RAB38: variants seen among roughly 807,000 people sequenced by gnomAD.
RAB38 encodes RAB38, member RAS oncogene family.
Under a neutral mutation model 18.4 loss-of-function variants are expected in RAB38, and 15 were observed. The ratio of observed to expected loss-of-function variants is 0.82; its 90% CI spans 0.55 to 1.26. The LOEUF (loss-of-function observed/expected upper bound fraction) is 1.26, where lower values mean the gene tolerates loss of function less well. Among genes scored for constraint, RAB38 ranks in the 50% most tolerant of loss-of-function variants. The probability of loss-of-function intolerance (pLI) is 0.00; values close to 1 mark genes in which losing one functional copy is unlikely to be tolerated. For missense variants in RAB38, 294 were observed against 267.4 expected, an observed-to-expected ratio of 1.10 and a Z score of -0.69; for synonymous variants, 101 against 104.4, an observed-to-expected ratio of 0.97 and a Z score of 0.20.
At chr11:88,153,518 C>A (rs893572527) in intron 1 of RAB38, among the ~76,000 whole-genome samples, 5 of 152,192 alleles carry the variant, frequency 3.3e-5, no homozygotes, top group Non-Finnish European at 7.3e-5. Flanking sequence ...ACCTCAGCCC[C>A]TCATTGCTCC....
chr11:87,900,622 C>T, the RAB38 span, among the ~76,000 whole-genome samples: 1 of 150,368 alleles, frequency 6.7e-6, no homozygotes, highest in Admixed American at 6.7e-5. Context: ...ATGTTCATCT[C>T]TCCTTATGTC....
chr11:88,147,119 C>CCTT (rs1942997771), intron 2 of RAB38, among the ~76,000 whole-genome samples: 1 of 152,182 alleles, frequency 6.6e-6, no homozygotes, highest in African/African-American at 2.4e-5. Flanking sequence ...TAGGCCTCTT[C>CCTT]CTTTCTTTTT....
chr11:87,885,960 G>A, the RAB38 span, among the ~76,000 whole-genome samples: 1 of 151,956 alleles, frequency 6.6e-6, no homozygotes, highest in South Asian at 2.1e-4. Flanking sequence ...GAGAAATGCT[G>A]AGTGTTGGGA....
chr11:87,844,425 C>T, the RAB38 span, among the ~76,000 whole-genome samples: 1 of 152,126 alleles, frequency 6.6e-6, no homozygotes, highest in Non-Finnish European at 1.5e-5. Context: ...ATTACAAGAA[C>T]TTTATGACAG....
chr11:88,106,665 T>C, the RAB38 span, among the ~76,000 whole-genome samples: 1 of 152,184 alleles, frequency 6.6e-6, no homozygotes, highest in African/African-American at 2.4e-5. Context: ...AGCTTGATGA[T>C]ATGGAAAATT....
the RAB38 span, among the ~76,000 whole-genome samples, chr11:87,889,045 A>C: frequency 6.6e-6 from 1 of 151,960 alleles, no homozygotes; most frequent in African/African-American, 2.4e-5. Flanking sequence ...ACACTCACTA[A>C]TAACTTTGTT....
the RAB38 span, among the ~76,000 whole-genome samples, chr11:88,005,296 T>G: frequency 0.85 from 127,671 of 150,718 alleles, 54,181 homozygotes; most frequent in South Asian, 0.91. Flanking sequence ...ACAGATTAGT[T>G]GTAAGAAACA....
At chr11:87,935,096 G>T in the RAB38 span, among the ~76,000 whole-genome samples, 3 of 151,810 alleles carry the variant, frequency 2.0e-5, no homozygotes, top group Non-Finnish European at 4.4e-5. Context: ...CCTTCAAGGG[G>T]ACACAAACCA....
In RAB38 at chr11:88,174,898, T is replaced by C. The variant is rs142643941; in HGVS notation, c.202+285A>G. ...AGCTGGAGTGGAGAACAGAATGCAA[T>C]TGCAGACAATCTTCCTCTGGTTCCC... On this transcript the variant is annotated intron_variant, in intron 1 of 2. Transcript: ENST00000243662. Among the ~76,000 whole-genome samples the C allele has an allele frequency of 7.7e-3, 1,177 of 152,294 alleles. 11 individuals carry two copies. The highest frequency in any genetic ancestry group is 0.027 in the Middle Eastern group (8 of 294).
At chr11:87,970,573 T>C in the RAB38 span, among the ~76,000 whole-genome samples, 1 of 152,098 alleles carries the variant, frequency 6.6e-6, no homozygotes, top group Non-Finnish European at 1.5e-5. Flanking sequence ...GCATAGACTT[T>C]CTATGTTATC....
At chr11:88,119,769 T>G (rs1942606855) in intron 2 of RAB38, among the ~76,000 whole-genome samples, 1 of 151,672 alleles carries the variant, frequency 6.6e-6, no homozygotes, top group South Asian at 2.1e-4. Context: ...TACATCAACC[T>G]CAAACAAAAC....
At chr11:87,826,122 GTTAT>G in the RAB38 span, among the ~76,000 whole-genome samples, 5 of 152,012 alleles carry the variant, frequency 3.3e-5, no homozygotes, top group East Asian at 9.7e-4. Context: ...ACATAGTCAT[GTTAT>G]TTAGAAATAT....
At chr11:87,837,731 C>A in the RAB38 span, among the ~76,000 whole-genome samples, 1 of 152,166 alleles carries the variant, frequency 6.6e-6, no homozygotes, top group African/African-American at 2.4e-5. Context: ...AACTAAGGGA[C>A]TTTTGCTCCA....
chr11:88,040,229 T>C, the RAB38 span, among the ~76,000 whole-genome samples: 2 of 152,150 alleles, frequency 1.3e-5, no homozygotes, highest in African/African-American at 4.8e-5. Flanking sequence ...AAGTTAGAGA[T>C]CAGAGTATCA....
chr11:87,890,825 A>G, the RAB38 span, among the ~76,000 whole-genome samples: 1 of 151,940 alleles, frequency 6.6e-6, no homozygotes, highest in African/African-American at 2.4e-5. Context: ...CTTACTGAGT[A>G]GTCATTATGT....
chr11:88,173,717 T>C (rs1943340301), intron 1 of RAB38: 1 of 985,410 alleles, frequency 1.0e-6, no homozygotes, highest in East Asian at 1.1e-4. Flanking sequence ...CAGAGAGAAT[T>C]TTTTTAGATG....
At chr11:87,948,257 C>A in the RAB38 span, among the ~76,000 whole-genome samples, 3 of 152,174 alleles carry the variant, frequency 2.0e-5, no homozygotes, top group African/African-American at 7.2e-5. Flanking sequence ...TATCCTGAGA[C>A]TTTGCTGAAG....
At chr11:87,929,032 T>C in the RAB38 span, among the ~76,000 whole-genome samples, 4 of 152,028 alleles carry the variant, frequency 2.6e-5, no homozygotes, top group South Asian at 2.1e-4. Context: ...TGAGAATCTC[T>C]TGAATTCAGG....
the RAB38 span, among the ~76,000 whole-genome samples, chr11:87,975,026 C>T: frequency 6.6e-6 from 1 of 151,836 alleles, no homozygotes; most frequent in African/African-American, 2.4e-5. Context: ...CGTTCTATGC[C>T]TCTCTCCTAG....
Sources: allele counts gnomAD v4.1 joint callset (sites outside exome capture counted in the v4.1 genomes callset), GRCh38; gene constraint gnomAD v4.1.1; transcripts MANE v1.5; gene names NCBI Gene and HGNC (gene_info 2026-07-23, HGNC 2026-07-21).